VWC2: variants seen among roughly 807,000 people sequenced by gnomAD.
The protein encoded by VWC2 is brorin.
VWC2 carries 14 observed loss-of-function variants against 29.8 expected under a neutral mutation model. That is an observed-to-expected ratio of 0.47 (90% CI 0.31 to 0.74). The LOEUF is 0.74. Among genes scored for constraint, VWC2 ranks in the 30% least tolerant of loss-of-function variants. VWC2 has a pLI of 0.05. For synonymous variants in VWC2, 213 were observed against 199.0 expected, an observed-to-expected ratio of 1.07 and a Z score of -0.59; for missense variants, 457 against 459.8, an observed-to-expected ratio of 0.99 and a Z score of 0.05.
chr7:49,790,705 G>A (rs938909879), intron 2 of VWC2, among the ~76,000 whole-genome samples: 25 of 151,910 alleles, frequency 1.6e-4, no homozygotes, highest in East Asian at 2.0e-4. Flanking sequence ...CCCTCAGGGG[G>A]TCGGGGACTC....
At chr7:49,811,119 TA>T (rs1788996213) in intron 3 of VWC2, among the ~76,000 whole-genome samples, 1 of 151,960 alleles carries the variant, frequency 6.6e-6, no homozygotes, top group Non-Finnish European at 1.5e-5. Flanking sequence ...ATGTGTCTGA[TA>T]AAAGACTTGT....
At chr7:49,863,970 G>T (rs1027751831) in intron 3 of VWC2, among the ~76,000 whole-genome samples, 21 of 152,000 alleles carry the variant, frequency 1.4e-4, no homozygotes, top group African/African-American at 5.1e-4. Context: ...TCTTTATTTT[G>T]TTTTAAAATA....
intron 3 of VWC2, among the ~76,000 whole-genome samples, chr7:49,871,666 A>T (rs1028201895): frequency 3.9e-5 from 6 of 152,152 alleles, no homozygotes; most frequent in African/African-American, 1.4e-4. Flanking sequence ...AAAGAAACAT[A>T]CTAGGATGAT....
intron 3 of VWC2, among the ~76,000 whole-genome samples, chr7:49,873,694 A>G (rs748104535): frequency 7.2e-5 from 11 of 152,220 alleles, no homozygotes; most frequent in Non-Finnish European, 1.3e-4. Context: ...GTTGATAAAG[A>G]GATGCTCTCA....
chr7:49,821,419 A>G (rs976873756), intron 3 of VWC2, among the ~76,000 whole-genome samples: 1 of 152,254 alleles, frequency 6.6e-6, no homozygotes. Context: ...TGAACCATGA[A>G]TGCTCATTGA....
intron 3 of VWC2, among the ~76,000 whole-genome samples, chr7:49,870,035 G>A (rs1260283455): frequency 6.6e-6 from 1 of 152,208 alleles, no homozygotes; most frequent in East Asian, 1.9e-4. Flanking sequence ...TTCAAGAACA[G>A]GAAAACCGAT....
At chr7:49,802,988 A>G (rs1323005195) in intron 3 of VWC2, 148 bp downstream of exon 3, 21 of 1,027,154 alleles carry the variant, frequency 2.0e-5, no homozygotes, top group Admixed American at 5.1e-5. Context: ...GTAATCTTTC[A>G]GCCACAGTGG....
intron 3 of VWC2, among the ~76,000 whole-genome samples, chr7:49,882,593 A>G (rs1157735595): frequency 6.6e-6 from 1 of 152,006 alleles, no homozygotes; most frequent in East Asian, 1.9e-4. Context: ...AAGGAGAGAG[A>G]CAGAGATAGT....
At chr7:49,885,771 T>G (rs977697051) in intron 3 of VWC2, among the ~76,000 whole-genome samples, 1 of 152,172 alleles carries the variant, frequency 6.6e-6, no homozygotes. Flanking sequence ...GATTTATGAG[T>G]GCAGGTGCTT....
At chr7:49,823,075 TCAAA>T (rs1434107052) in intron 3 of VWC2, among the ~76,000 whole-genome samples, 3 of 152,220 alleles carry the variant, frequency 2.0e-5, no homozygotes, top group African/African-American at 7.2e-5. Flanking sequence ...TAAGAAACTG[TCAAA>T]CAGTTTTCCA....
chr7:49,857,239 G>A (rs1015741298), intron 3 of VWC2, among the ~76,000 whole-genome samples: 2 of 152,020 alleles, frequency 1.3e-5, no homozygotes, highest in African/African-American at 4.8e-5. Context: ...CTGGTTCTAC[G>A]AGTTTAGCTC....
chr7:49,895,302 C>T (rs1792328032), intron 3 of VWC2, among the ~76,000 whole-genome samples: 1 of 152,170 alleles, frequency 6.6e-6, no homozygotes, highest in African/African-American at 2.4e-5. Flanking sequence ...GACTTAATCA[C>T]CTCCTGAAGG....
chr7:49,797,316 G>A (rs1181224797), intron 2 of VWC2, among the ~76,000 whole-genome samples: 2 of 152,156 alleles, frequency 1.3e-5, no homozygotes, highest in Non-Finnish European at 2.9e-5. Flanking sequence ...TTGGAAAATT[G>A]TTCTGGGGTT....
chr7:49,885,431 G>A (rs1229602087), intron 3 of VWC2, among the ~76,000 whole-genome samples: 1 of 151,628 alleles, frequency 6.6e-6, no homozygotes, highest in Admixed American at 6.6e-5. Context: ...AAGAAAATAT[G>A]GGAAAATTGC....
intron 3 of VWC2, among the ~76,000 whole-genome samples, chr7:49,803,123 G>C (rs927404503): frequency 5.3e-5 from 8 of 152,208 alleles, no homozygotes; most frequent in African/African-American, 1.9e-4. Context: ...ATTTAACTTT[G>C]TTTGTTCTTG....
At position 49,856,252 on chromosome 7, in the gene VWC2, G is replaced by T. The variant is rs1393140719; in HGVS notation, c.826+53412G>T. Among the ~76,000 whole-genome samples, 6 of 152,148 alleles carry T rather than the reference G, an allele frequency of 3.9e-5. No homozygotes were observed. In the East Asian group the frequency reaches 1.2e-3, roughly 29 times the overall value. On this transcript the variant is annotated intron_variant, in intron 3 of 3. Transcript: ENST00000340652. ...CATGAGGGTGGATTCTGCATGAATGGCTTGGTGCTCTCCCCTTGGTAATGA... is the reference window on the plus strand; with the variant it reads ...CATGAGGGTGGATTCTGCATGAATGTCTTGGTGCTCTCCCCTTGGTAATGA...
chr7:49,845,812 G>C (rs1789928919), intron 3 of VWC2, among the ~76,000 whole-genome samples: 1 of 152,214 alleles, frequency 6.6e-6, no homozygotes, highest in African/African-American at 2.4e-5. Context: ...AGAACCTTGT[G>C]ATGTGGGAGT....
chr7:49,849,031 G>C (rs944069693), intron 3 of VWC2, among the ~76,000 whole-genome samples: 1 of 152,098 alleles, frequency 6.6e-6, no homozygotes, highest in Non-Finnish European at 1.5e-5. Context: ...TTTCTCTTTA[G>C]GTCCTGCTTG....
intron 2 of VWC2, among the ~76,000 whole-genome samples, chr7:49,779,618 A>G (rs766613244): frequency 1.5e-4 from 22 of 151,474 alleles, no homozygotes; most frequent in Non-Finnish European, 1.0e-4. Flanking sequence ...TGATATTTTT[A>G]ACTGTTTTCT....
Sources: allele counts gnomAD v4.1 joint callset (sites outside exome capture counted in the v4.1 genomes callset), GRCh38; gene constraint gnomAD v4.1.1; transcripts MANE v1.5; gene names NCBI Gene and HGNC (gene_info 2026-07-23, HGNC 2026-07-21).